C1orf159: variants seen among roughly 807,000 people sequenced by gnomAD.
C1orf159 encodes the protein uncharacterized protein C1orf159.
A neutral mutation model predicts 25.6 loss-of-function variants in C1orf159; 19 were observed. That is an observed-to-expected ratio of 0.74 (90% CI 0.52 to 1.09). The LOEUF (loss-of-function observed/expected upper bound fraction) is 1.09, where lower values mean the gene tolerates loss of function less well. Ranked by LOEUF, C1orf159 falls within the 50% of genes least tolerant of loss-of-function variation. C1orf159 has a pLI of 0.00. For missense variants in C1orf159, 274 were observed against 290.6 expected, an observed-to-expected ratio of 0.94 and a Z score of 0.42; for synonymous variants, 139 against 124.7, an observed-to-expected ratio of 1.12 and a Z score of -0.77.
At chr1:1,093,072 C>T (rs1219290342) in intron 1 of C1orf159, among the ~76,000 whole-genome samples, 3 of 152,030 alleles carry the variant, frequency 2.0e-5, no homozygotes, top group Non-Finnish European at 2.9e-5. Context: ...TGATTCAGCT[C>T]CTCCTCTCTG....
intron 9 of C1orf159, chr1:1,084,084 C>T (rs764470725): frequency 4.9e-5 from 78 of 1,602,610 alleles, no homozygotes; most frequent in Non-Finnish European, 6.0e-5. Flanking sequence ...GCAGACCCCA[C>T]GTCTCGGGAA....
rs1645936453 is a variant in C1orf159 at position 1,091,572 on chromosome 1, C to T, written c.-22-7G>A. On this transcript the variant is annotated splice_region_variant and splice_polypyrimidine_tract_variant and intron_variant, in intron 2 of 9. Transcript: ENST00000421241. ...AGGAGCAGATGCGCAGAGCCTGCCA[C>T]AGGGAGGAGCATGCGGAGCCAAAGA... 2 of 1,541,936 alleles carry T rather than the reference C, an allele frequency of 1.3e-6. No homozygotes were observed. The highest frequency in any genetic ancestry group is 1.7e-6 in the Non-Finnish European group (2 of 1,142,930).
chr1:1,112,302 C>T (rs1646268254), intron 1 of C1orf159, among the ~76,000 whole-genome samples: 1 of 152,220 alleles, frequency 6.6e-6, no homozygotes, highest in African/African-American at 2.4e-5. Context: ...GGCGTGTAAC[C>T]GTTCTATGAC....
chr1:1,083,986 C>T, intron 9 of C1orf159: 4 of 1,604,482 alleles, frequency 2.5e-6, no homozygotes. Flanking sequence ...CTGGCGGAGG[C>T]CGGCTGCGTC....
At chr1:1,111,980 G>T (rs1415948196) in intron 1 of C1orf159, among the ~76,000 whole-genome samples, 2 of 152,190 alleles carry the variant, frequency 1.3e-5, no homozygotes, top group African/African-American at 2.4e-5. Context: ...CCCCTTTGTT[G>T]ACATGCATGG....
chr1:1,084,284 C>A (rs767125848), intron 9 of C1orf159, 69 bp downstream of exon 9: 60 of 1,520,768 alleles, frequency 3.9e-5, no homozygotes, highest in Admixed American at 8.9e-5. Context: ...TGGGGACAAA[C>A]CCACAGAGCA....
intron 1 of C1orf159, among the ~76,000 whole-genome samples, chr1:1,108,019 A>T (rs1646199645): frequency 6.6e-6 from 1 of 152,208 alleles, no homozygotes; most frequent in Non-Finnish European, 1.5e-5. Flanking sequence ...AGTCAGTGAG[A>T]CCAAGAATCC....
intron 1 of C1orf159, among the ~76,000 whole-genome samples, chr1:1,103,984 G>A (rs929218073): frequency 1.4e-5 from 2 of 143,362 alleles, no homozygotes; most frequent in African/African-American, 5.7e-5. Flanking sequence ...CCAGATAGTA[G>A]AATTTTTACT....
At chr1:1,096,362 C>A (rs2100757065) in intron 1 of C1orf159, among the ~76,000 whole-genome samples, 1 of 152,012 alleles carries the variant, frequency 6.6e-6, no homozygotes, top group East Asian at 1.9e-4. Flanking sequence ...TACACAGGGT[C>A]TCACTATATT....
chr1:1,115,533 G>A (rs575955126), intron 1 of C1orf159, among the ~76,000 whole-genome samples: 158 of 41,764 alleles, frequency 3.8e-3, no homozygotes, highest in African/African-American at 0.015. Context: ...CCCTCCCCAG[G>A]TGCCCCCTCT....
Position 1,082,994 on chromosome 1 carries a change from C to G in C1orf159, c.503-7G>C, listed in dbSNP as rs375601866. The G allele has an allele frequency of 1.3e-6, 2 of 1,588,040 alleles. No homozygotes were observed. Among genetic ancestry groups the G allele is most frequent in the Non-Finnish European group, 1.7e-6 (2 of 1,166,936 alleles). On this transcript the variant is annotated splice_region_variant and splice_polypyrimidine_tract_variant and intron_variant, in intron 9 of 9. Transcript: ENST00000421241. ...ACGTAGCGCGGCTTCCGTACTGAAA[C>G]GGGTCAGAGACAGGCGAGGTCAGAG...
At chr1:1,099,937 A>C (rs557775116) in intron 1 of C1orf159, among the ~76,000 whole-genome samples, 2 of 152,370 alleles carry the variant, frequency 1.3e-5, no homozygotes, top group African/African-American at 2.4e-5. Context: ...CTTTCTGCCT[A>C]CTTGTGTTTT....
intron 1 of C1orf159, among the ~76,000 whole-genome samples, chr1:1,102,098 AAAC>A (rs1646110258): frequency 3.1e-5 from 3 of 97,226 alleles, no homozygotes; most frequent in African/African-American, 1.7e-4. Context: ...AAAAAAAAAC[AAAC>A]TTTTGAAGTG....
chr1:1,091,047 C>A, intron 3 of C1orf159: 5 of 1,349,488 alleles, frequency 3.7e-6, no homozygotes, highest in South Asian at 1.3e-5. Context: ...GAATCCACAC[C>A]GCCAGGGAGG....
At chr1:1,084,231 C>T (rs1270746198) in intron 9 of C1orf159, 122 bp downstream of exon 9, 2 of 1,520,220 alleles carry the variant, frequency 1.3e-6, no homozygotes, top group Admixed American at 4.4e-5. Flanking sequence ...CTCCTGGGGA[C>T]CCGGGCAGGG....
In C1orf159 at chr1:1,087,030, G is replaced by A; in HGVS notation, c.310+109C>T. The A allele has an allele frequency of 8.5e-7, 1 of 1,175,470 alleles. No homozygotes were observed. The highest frequency in any genetic ancestry group is 1.2e-6 in the Non-Finnish European group (1 of 826,026). The allele number at this position is 1,175,470 out of a possible 1,614,324, so 72.8% of individuals were successfully genotyped here. ...CACGCTCCCCTCTGGCTGTTTTGCA[G>A]AACCCTGAGCCTGCTGTGGCTGCGT... On this transcript the variant is annotated intron_variant, in intron 6 of 9. Transcript: ENST00000421241. This position sits in a 1 kb window ranked among gnomAD's most constrained non-coding sequence, Gnocchi z 8.3.
chr1:1,099,924 T>C (rs1646076416), intron 1 of C1orf159, among the ~76,000 whole-genome samples: 1 of 152,082 alleles, frequency 6.6e-6, no homozygotes, highest in Non-Finnish European at 1.5e-5. Context: ...GTTTTTGCAG[T>C]CACTTTCTGC....
At chr1:1,083,352 G>A (rs1373147297) in intron 9 of C1orf159, 11 of 236,766 alleles carry the variant, frequency 4.6e-5, no homozygotes, top group Middle Eastern at 3.0e-3. Flanking sequence ...TTATTTAGAA[G>A]AAGGGGCTTT....
intron 1 of C1orf159, among the ~76,000 whole-genome samples, chr1:1,093,653 G>T (rs1470711509): frequency 6.6e-6 from 1 of 152,228 alleles, no homozygotes; most frequent in Non-Finnish European, 1.5e-5. Flanking sequence ...ACAGTCGGAG[G>T]ATTTTCCACT....
Sources: gnomAD v4.1 joint callset for allele counts (sites outside exome capture counted in the v4.1 genomes callset) on GRCh38, gnomAD v4.1.1 for gene constraint, Gnocchi (gnomAD v3.1) non-coding constraint, MANE v1.5 for transcripts, NCBI Gene and HGNC (gene_info 2026-07-23, HGNC 2026-07-21) for gene names.